NCOR2: variants seen among roughly 807,000 people sequenced by gnomAD.
The protein encoded by NCOR2 is nuclear receptor corepressor 2.
A neutral mutation model predicts 262.9 loss-of-function variants in NCOR2; 81 were observed. That is an observed-to-expected ratio of 0.31 (90% confidence interval 0.26 to 0.37). The LOEUF is 0.37. NCOR2 is among the 10% of genes least tolerant of loss of function. The pLI, the probability that NCOR2 is intolerant of heterozygous loss-of-function variation, is 1.00. For synonymous variants in NCOR2, 1,659 were observed against 1,559.3 expected (o/e 1.06, Z -1.51); for missense variants, 3,385 against 3,621.4 (o/e 0.93, Z 1.68).
rs2043126134 is a variant in NCOR2 at position 124,420,062 on chromosome 12, G to A, written c.1384-7C>T. ...GGACGCACTCAGCCACTGTCTGTGG[G>A]ACAGAGAAAGAGGACGCTGAGCAGG... On this transcript the variant is annotated splice_region_variant and splice_polypyrimidine_tract_variant and intron_variant, in intron 12 of 46. Transcript: ENST00000405201. The A allele has an allele frequency of 1.2e-6, 2 of 1,608,786 alleles. No homozygotes were observed. The highest frequency in any genetic ancestry group is 8.5e-7 in the Non-Finnish European group (1 of 1,176,840).
intron 24 of NCOR2, 32 bp from the exon 27 acceptor site, chr12:124,354,971 C>T: frequency 6.3e-7 from 1 of 1,577,704 alleles, no homozygotes; most frequent in Non-Finnish European, 8.7e-7. Context: ...GTCACAGGGG[C>T]ACCCTGGTCC....
chr12:124,335,382 C>T, intron 39 of NCOR2, 101 bp downstream of exon 41: 2 of 1,509,914 alleles, frequency 1.3e-6, no homozygotes, highest in South Asian at 1.3e-5. Flanking sequence ...CCAGCCAATT[C>T]CTTGGCCTTT....
intron 9 of NCOR2, 41 bp downstream of exon 11, chr12:124,430,574 G>A (rs760255447): frequency 1.1e-5 from 17 of 1,570,440 alleles, no homozygotes; most frequent in East Asian, 2.2e-5. Context: ...AGCTGACCCC[G>A]GGCCCTGACG....
At chr12:124,349,961 CT>C (rs2037299784) in intron 28 of NCOR2, among the ~76,000 whole-genome samples, 3 of 152,186 alleles carry the variant, frequency 2.0e-5, no homozygotes, top group Non-Finnish European at 4.4e-5. Context: ...CCTCCCAGGC[CT>C]GGGGAGGGGG....
At chr12:124,484,775 C>T (rs924595190) in intron 2 of NCOR2, among the ~76,000 whole-genome samples, 4 of 152,236 alleles carry the variant, frequency 2.6e-5, no homozygotes, top group African/African-American at 4.8e-5. Flanking sequence ...TGCCCTCCCA[C>T]GCGCTTGGTG....
At chr12:124,350,162 A>G (rs2037324105) in intron 28 of NCOR2, among the ~76,000 whole-genome samples, 1 of 152,170 alleles carries the variant, frequency 6.6e-6, no homozygotes, top group African/African-American at 2.4e-5. Flanking sequence ...TCTGGAACCC[A>G]GAGCCTAGAG....
chr12:124,383,478 T>C, intron 17 of NCOR2: 1 of 929,458 alleles, frequency 1.1e-6, no homozygotes, highest in Non-Finnish European at 1.4e-6. Flanking sequence ...CGTGCCACCT[T>C]GGCCCAGTGC....
Position 124,531,497 on chromosome 12 carries a change from GAGA to G in NCOR2, c.-118+4065_-118+4067del, listed in dbSNP as rs1450116172. On this transcript the variant is annotated intron_variant, in intron 1 of 46. Transcript: ENST00000404621. The surrounding 1 kb of genome is among the most constrained non-coding windows in gnomAD (Gnocchi z 4.5). ...GTGGCCTGTGGGGAGAAGGAGGGAG[GAGA>G]AGGAGGGGTAGGGAGCAGGAAGGAA... Among the ~76,000 whole-genome samples the G allele has an allele frequency of 2.0e-5, 3 of 152,152 alleles. No homozygotes were observed. The highest frequency in any genetic ancestry group is 4.4e-5 in the Non-Finnish European group (3 of 68,030).
chr12:124,519,097 C>CAT (rs2050023807), intron 1 of NCOR2, among the ~76,000 whole-genome samples: 1 of 146,794 alleles, frequency 6.8e-6, no homozygotes, highest in African/African-American at 2.6e-5. Flanking sequence ...AATACACACA[C>CAT]ACACACACAC....
chr12:124,428,086 T>TGTGTGTGTGTGTGTGTGTGCGTGC (rs958627720), intron 10 of NCOR2, among the ~76,000 whole-genome samples: 3 of 147,054 alleles, frequency 2.0e-5, no homozygotes, highest in Non-Finnish European at 4.5e-5. Flanking sequence ...TGTGTGTGTG[T>TGTGTGTGTGTGTGTGTGTGCGTGC]GTACATGCAA....
At chr12:124,390,814 A>AATTTCT (rs1252149577) in intron 16 of NCOR2, among the ~76,000 whole-genome samples, 27 of 152,214 alleles carry the variant, frequency 1.8e-4, no homozygotes, top group Admixed American at 1.8e-3. Flanking sequence ...CCCCACTTCT[A>AATTTCT]ATTTCTAAGG....
At chr12:124,342,122 G>A (rs1369665039) in intron 33 of NCOR2, 48 bp from the exon 36 acceptor site, 25 of 1,561,742 alleles carry the variant, frequency 1.6e-5, no homozygotes, top group Non-Finnish European at 1.9e-5. Flanking sequence ...ACCTAGGCCT[G>A]ATGGTGTCGC....
At chr12:124,329,104 A>G (rs1213540144) in intron 44 of NCOR2, 1 of 470,486 alleles carries the variant, frequency 2.1e-6, no homozygotes, top group Admixed American at 2.3e-5. Flanking sequence ...GAAGTCTGAC[A>G]CAGGTTGAGT....
chr12:124,444,912 T>G (rs1565950100), intron 7 of NCOR2, among the ~76,000 whole-genome samples: 1 of 152,018 alleles, frequency 6.6e-6, no homozygotes, highest in East Asian at 1.9e-4. Flanking sequence ...GTCTAGGAAT[T>G]TGTCTGTGTG....
intron 3 of NCOR2, among the ~76,000 whole-genome samples, chr12:124,479,451 G>GCACA (rs1384794692): frequency 4.4e-5 from 3 of 67,894 alleles, no homozygotes; most frequent in Non-Finnish European, 7.5e-5. Flanking sequence ...GTGCACACAC[G>GCACA]CATACACACA....
At chr12:124,340,804 C>G (rs1038770222) in intron 34 of NCOR2, 53 bp from the exon 37 acceptor site, 2 of 1,441,160 alleles carry the variant, frequency 1.4e-6, no homozygotes, top group African/African-American at 1.4e-5. Context: ...AGAGGCCAGG[C>G]TGCCCACCGG....
intron 3 of NCOR2, among the ~76,000 whole-genome samples, chr12:124,478,235 G>A (rs747022762): frequency 2.8e-4 from 42 of 152,206 alleles, no homozygotes; most frequent in Non-Finnish European, 5.3e-4. Context: ...TGAGGACATC[G>A]TGTCACCTAG....
In NCOR2 at chr12:124,517,910, C is replaced by A. The variant is rs2049920415; in HGVS notation, c.-118+17655G>T. Among the ~76,000 whole-genome samples the A allele has an allele frequency of 6.6e-6, 1 of 152,198 alleles. No homozygotes were observed. The highest frequency in any genetic ancestry group is 2.4e-5 in the African/African-American group (1 of 41,454). ...GCGCTGCCAGGGGAGGGTCCAGCTG[C>A]CCCCATTGGCTGACCTGCGGCCGGC... is the stretch of plus-strand genomic sequence containing the variant. On this transcript the variant is annotated intron_variant, in intron 1 of 46. Coordinates refer to the NCOR2 transcript ENST00000404621. The surrounding 1 kb of genome is among the most constrained non-coding windows in gnomAD (Gnocchi z 7.6).
At chr12:124,411,932 G>A (rs777964602) in intron 13 of NCOR2, among the ~76,000 whole-genome samples, 72 of 152,360 alleles carry the variant, frequency 4.7e-4, no homozygotes, top group South Asian at 2.1e-3. Context: ...TGGGTGTGGA[G>A]GGGCTAGCAT....
Sources: gnomAD v4.1 joint callset for allele counts (sites outside exome capture counted in the v4.1 genomes callset) on GRCh38, gnomAD v4.1.1 for gene constraint, Gnocchi (gnomAD v3.1) non-coding constraint, MANE v1.5 for transcripts, NCBI Gene and HGNC (gene_info 2026-07-23, HGNC 2026-07-21) for gene names.